Variants in CSMD2 observed in about 807,000 individuals in gnomAD.
The protein encoded by CSMD2 is CUB and Sushi multiple domains 2, also known as CUB and sushi domain-containing protein 2.
Under a neutral mutation model 398.5 loss-of-function variants are expected in CSMD2, and 130 were observed. The observed-to-expected ratio is 0.33, with a 90% CI of 0.28 to 0.38. CSMD2 has a LOEUF of 0.38. Among genes scored for constraint, CSMD2 ranks in the 10% least tolerant of loss-of-function variants. The pLI, the probability that CSMD2 is intolerant of heterozygous loss-of-function variation, is 1.00. For missense variants in CSMD2, 3,829 were observed against 4,764.9 expected (o/e 0.80, Z 5.78); for synonymous variants, 1,828 against 1,908.5 (o/e 0.96, Z 1.10).
intron 13 of CSMD2, among the ~76,000 whole-genome samples, chr1:33,760,497 G>C (rs1004599161): frequency 6.6e-6 from 1 of 152,152 alleles, no homozygotes; most frequent in Non-Finnish European, 1.5e-5. Context: ...GCCAGACCAA[G>C]CCACCATGCC....
At chr1:33,726,296 C>G (rs1557797086) in intron 16 of CSMD2, among the ~76,000 whole-genome samples, 1 of 152,156 alleles carries the variant, frequency 6.6e-6, no homozygotes, top group Non-Finnish European at 1.5e-5. Context: ...GAGGGGGGAG[C>G]TCTAACATCC....
intron 13 of CSMD2, among the ~76,000 whole-genome samples, chr1:33,749,300 C>T (rs1213888982): frequency 2.0e-5 from 3 of 151,766 alleles, no homozygotes; most frequent in Non-Finnish European, 4.4e-5. Flanking sequence ...AGGGTTTCGC[C>T]GTGTTAGCCA....
intron 5 of CSMD2, among the ~76,000 whole-genome samples, chr1:33,909,032 G>A (rs1478482771): frequency 6.6e-6 from 1 of 152,212 alleles, no homozygotes; most frequent in Non-Finnish European, 1.5e-5. Flanking sequence ...AAGGCAGGAG[G>A]TCTGAGGCTC....
intron 1 of CSMD2, among the ~76,000 whole-genome samples, chr1:34,123,687 G>A (rs914814602): frequency 2.6e-5 from 4 of 152,114 alleles, no homozygotes; most frequent in East Asian, 1.9e-4. Context: ...TTGAATTGGA[G>A]GATGCCTGGC....
At chr1:33,779,417 A>G (rs1238869026) in intron 12 of CSMD2, among the ~76,000 whole-genome samples, 1 of 152,210 alleles carries the variant, frequency 6.6e-6, no homozygotes, top group African/African-American at 2.4e-5. Context: ...AATGGTAATA[A>G]CAAGGTTGTT....
intron 25 of CSMD2, among the ~76,000 whole-genome samples, chr1:33,679,817 T>C (rs1294052753): frequency 6.6e-6 from 1 of 152,226 alleles, no homozygotes; most frequent in Admixed American, 6.5e-5. Flanking sequence ...ATTAGGTTAC[T>C]TAGTGCAGAT....
At chr1:33,964,932 A>G (rs545337) in intron 3 of CSMD2, among the ~76,000 whole-genome samples, 89,870 of 152,150 alleles carry the variant, frequency 0.59, 28,270 homozygotes, top group East Asian at 0.84. Context: ...GCAAGACTAT[A>G]GAGGATCAGA....
intron 1 of CSMD2, among the ~76,000 whole-genome samples, chr1:34,110,308 C>G (rs1660947119): frequency 6.6e-6 from 1 of 152,076 alleles, no homozygotes; most frequent in African/African-American, 2.4e-5. Flanking sequence ...AACCTAGAAA[C>G]AGAACTATCA....
intron 10 of CSMD2, among the ~76,000 whole-genome samples, chr1:33,804,261 C>A (rs1399829862): frequency 6.6e-6 from 1 of 152,204 alleles, no homozygotes; most frequent in East Asian, 1.9e-4. Flanking sequence ...AAAACCCAAA[C>A]TTCTGGGCCA....
chr1:33,988,018 TGCAGA>T (rs1181716609), intron 3 of CSMD2, among the ~76,000 whole-genome samples: 7 of 152,210 alleles, frequency 4.6e-5, no homozygotes, highest in African/African-American at 1.7e-4. Flanking sequence ...CTCTCCTGTC[TGCAGA>T]GCAAACACTT....
chr1:33,794,706 A>G (rs1557905434), intron 10 of CSMD2, among the ~76,000 whole-genome samples: 1 of 152,224 alleles, frequency 6.6e-6, no homozygotes, highest in Non-Finnish European at 1.5e-5. Flanking sequence ...GAGCAGGAGC[A>G]TTGAGGGAGA....
At chr1:33,792,135 C>G (rs536810871) in intron 11 of CSMD2, among the ~76,000 whole-genome samples, 29 of 152,236 alleles carry the variant, frequency 1.9e-4, no homozygotes, top group Middle Eastern at 6.8e-3. Flanking sequence ...AAGCAGCCAG[C>G]CAGTGGAAGG....
rs1553180002 is a variant in CSMD2 at position 33,708,591 on chromosome 1, C to CTTCTTATTATTATTATTA, written c.3576+497_3576+498insTAATAATAATAATAAGAA. On this transcript the variant is annotated intron_variant, in intron 22 of 70. Coordinates refer to ENST00000373381, the MANE Select transcript of CSMD2 (RefSeq NM_001281956.2). Reference sequence around the variant, plus strand: ...GGATCCATTGGCTGCTCCAACCGAACTTATTATTATTATTATTATTATTAT... The same window carrying CTTCTTATTATTATTATTA: ...GGATCCATTGGCTGCTCCAACCGAACTTCTTATTATTATTATTATTATTATTATTATTATTATTATTAT... Among the ~76,000 whole-genome samples the CTTCTTATTATTATTATTA allele has an allele frequency of 5.7e-5, 8 of 141,084 alleles. No individual in the cohort carries two copies. The Admixed American group carries it at 5.7e-4, about 10-fold the overall frequency. The allele number at this position is 141,084 out of a possible 152,430, so 92.6% of individuals were successfully genotyped here.
intron 2 of CSMD2, among the ~76,000 whole-genome samples, chr1:34,046,537 A>G (rs1652533292): frequency 6.6e-6 from 1 of 152,182 alleles, no homozygotes; most frequent in Non-Finnish European, 1.5e-5. Flanking sequence ...GTCCTGAATA[A>G]TAGACAAATA....
At chr1:33,717,980 C>G (rs1475323771) in intron 19 of CSMD2, among the ~76,000 whole-genome samples, 2 of 152,164 alleles carry the variant, frequency 1.3e-5, no homozygotes, top group Admixed American at 1.3e-4. Flanking sequence ...CTATAGTCAG[C>G]CCCTGTCCCT....
At chr1:33,985,498 A>C (rs2147973416) in intron 3 of CSMD2, among the ~76,000 whole-genome samples, 1 of 152,258 alleles carries the variant, frequency 6.6e-6, no homozygotes, top group Middle Eastern at 3.4e-3. Flanking sequence ...TCTGTTGGGA[A>C]GGCATGGGGC....
At chr1:33,587,679 G>A (rs967035146) in intron 44 of CSMD2, among the ~76,000 whole-genome samples, 2 of 152,314 alleles carry the variant, frequency 1.3e-5, no homozygotes, top group African/African-American at 4.8e-5. Flanking sequence ...TGGCTTTTGC[G>A]AGTACCTACT....
rs748412234 is a variant in CSMD2, at chr1:34,137,009, CATCA to C, written c.187+27898_187+27901del. On this transcript the variant is annotated intron_variant, in intron 1 of 70. Transcript: ENST00000373381. Reference sequence around the variant, plus strand: ...CATCTATTCTTCCACTTTACCCACTCATCAATCAAACACATCCTTCCATCCTAGT... The same window carrying C: ...CATCTATTCTTCCACTTTACCCACTCATCAAACACATCCTTCCATCCTAGT... Among the ~76,000 whole-genome samples the C allele has an allele frequency of 3.8e-4, 58 of 152,148 alleles. 1 individual carries two copies. Among genetic ancestry groups the C allele is most frequent in the Non-Finnish European group, 5.9e-5 (4 of 68,032 alleles).
intron 15 of CSMD2, among the ~76,000 whole-genome samples, chr1:33,735,745 T>G (rs1479638883): frequency 6.6e-6 from 1 of 152,228 alleles, no homozygotes; most frequent in Non-Finnish European, 1.5e-5. Context: ...TAAGTGGCTC[T>G]TAGCATATAT....
Sources: gnomAD v4.1 joint callset for allele counts (sites outside exome capture counted in the v4.1 genomes callset) on GRCh38, gnomAD v4.1.1 for gene constraint, MANE v1.5 for transcripts, NCBI Gene and HGNC (gene_info 2026-07-23, HGNC 2026-07-21) for gene names.